Variants in ARHGAP18 observed in about 807,000 individuals in gnomAD.
The protein encoded by ARHGAP18 is Rho GTPase activating protein 18.
A neutral mutation model predicts 86.2 loss-of-function variants in ARHGAP18; 67 were observed. The observed-to-expected ratio is 0.78, with a 90% CI of 0.64 to 0.95. The LOEUF (loss-of-function observed/expected upper bound fraction) is 0.95, where lower values mean the gene tolerates loss of function less well. Among genes scored for constraint, ARHGAP18 ranks in the 40% least tolerant of loss-of-function variants. The pLI is 0.00. For synonymous variants in ARHGAP18, 283 were observed against 280.4 expected (o/e 1.01, Z -0.09); for missense variants, 691 against 780.4 (o/e 0.89, Z 1.37).
At chr6:129,584,217 C>T in intron 12 of ARHGAP18, 105 bp from the exon 13 acceptor site, 2 of 1,453,100 alleles carry the variant, frequency 1.4e-6, no homozygotes, top group South Asian at 2.9e-5. Context: ...CATTTTACTT[C>T]ACTACATAAA....
chr6:129,645,587 T>A (rs539898769), intron 1 of ARHGAP18, among the ~76,000 whole-genome samples: 1 of 152,322 alleles, frequency 6.6e-6, no homozygotes, highest in African/African-American at 2.4e-5. Context: ...TGTGTGCTAA[T>A]CGTGCCATGG....
intron 9 of ARHGAP18, among the ~76,000 whole-genome samples, chr6:129,607,527 C>T (rs1201237396): frequency 6.6e-6 from 1 of 152,138 alleles, no homozygotes; most frequent in African/African-American, 2.4e-5. Flanking sequence ...TCCACAGCTT[C>T]TCCAGTAAGT....
At chr6:129,609,158 C>A (rs1039410113) in intron 8 of ARHGAP18, among the ~76,000 whole-genome samples, 5 of 151,192 alleles carry the variant, frequency 3.3e-5, no homozygotes, top group African/African-American at 1.2e-4. Context: ...AGAGGAAGAT[C>A]CAGAGAAGAG....
chr6:129,617,857 G>A (rs185575070), intron 6 of ARHGAP18, among the ~76,000 whole-genome samples: 9 of 152,216 alleles, frequency 5.9e-5, no homozygotes, highest in Admixed American at 1.3e-4. Context: ...CCTAAATCAG[G>A]TGAATACTTG....
At position 129,605,764 on chromosome 6, in the gene ARHGAP18, T is replaced by C. The variant is rs76670714; in HGVS notation, c.1365+113A>G. 1,790 of 956,578 alleles carry C rather than the reference T, an allele frequency of 1.9e-3. 17 individuals carry two copies. The African/African-American group carries it at 0.026, about 14-fold the overall frequency. The allele number at this position is 956,578 out of a possible 1,614,324, so 59.3% of individuals were successfully genotyped here. A position where few individuals can be genotyped will look rare whatever the true frequency, so the allele number is the denominator to read the frequency against. On this transcript the variant is annotated intron_variant, in intron 10 of 14. Coordinates refer to ENST00000368149, the MANE Select transcript of ARHGAP18 (RefSeq NM_033515.3). ...TGTCCTTAAAAGTAGGCTTTTTCTT[T>C]ATAGACTTTTATGACCATGTCCAAG...
chr6:129,697,342 G>C (rs532041566), intron 1 of ARHGAP18, among the ~76,000 whole-genome samples: 23 of 152,262 alleles, frequency 1.5e-4, no homozygotes, highest in Non-Finnish European at 3.1e-4. Flanking sequence ...TTTTGGAATG[G>C]TATGTTTCAC....
rs527326699 is a variant in ARHGAP18, at chr6:129,690,829, CACA to C, written c.113+19192_113+19194del. Among the ~76,000 whole-genome samples, 485 of 152,284 alleles carry C rather than the reference CACA, an allele frequency of 3.2e-3. 2 individuals are homozygous for C. Among genetic ancestry groups the C allele is most frequent in the South Asian group, 9.7e-3 (47 of 4,828 alleles). On this transcript the variant is annotated intron_variant, in intron 1 of 14. Coordinates refer to ENST00000368149, the MANE Select transcript of ARHGAP18 (RefSeq NM_033515.3). ...ACAATTTCAAATATTCACAATATTT[CACA>C]ACATCTGAATAAAGCAAAATTTATA...
In ARHGAP18 at chr6:129,599,232, T is replaced by C; in HGVS notation, c.1697A>G (p.Asp566Gly). Residue 566 changes from aspartate to glycine, a missense_variant, in exon 12 of 15, where the codon GAT becomes GGT. Physicochemically the swap from Asp to Gly is moderately conservative, Grantham distance 94. Coordinates refer to ENST00000368149, the MANE Select transcript of ARHGAP18 (RefSeq NM_033515.3). Reference protein sequence around the residue: ...AYDREKYEKQDKSTNDADVPQ... With the variant: ...AYDREKYEKQGKSTNDADVPQ... ...TTTTCTTACATCATTTGTACTCTTATCTTGCTTTTCATATTTTTCTCGGTC... is the reference window on the plus strand; with the variant it reads ...TTTTCTTACATCATTTGTACTCTTACCTTGCTTTTCATATTTTTCTCGGTC... The C allele has an allele frequency of 6.3e-7, 1 of 1,579,540 alleles. No homozygotes were observed. Among genetic ancestry groups the C allele is most frequent in the Non-Finnish European group, 8.6e-7 (1 of 1,167,968 alleles).
At chr6:129,607,317 G>A (rs1480249134) in intron 9 of ARHGAP18, among the ~76,000 whole-genome samples, 2 of 152,142 alleles carry the variant, frequency 1.3e-5, no homozygotes, top group Non-Finnish European at 1.5e-5. Context: ...AAAAAGAATC[G>A]AGAACTATTA....
intron 1 of ARHGAP18, among the ~76,000 whole-genome samples, chr6:129,705,372 C>G (rs1439331605): frequency 1.3e-5 from 2 of 152,110 alleles, no homozygotes; most frequent in African/African-American, 4.8e-5. Context: ...AGTCCAGCTG[C>G]CAAAAGAGGA....
chr6:129,581,384 A>C (rs1788285922), intron 13 of ARHGAP18, among the ~76,000 whole-genome samples: 1 of 152,142 alleles, frequency 6.6e-6, no homozygotes, highest in African/African-American at 2.4e-5. Context: ...GTGTAGGTTT[A>C]TCTTTTAAAT....
chr6:129,607,846 T>C (rs766812173), intron 9 of ARHGAP18, 47 bp downstream of exon 9: 8 of 1,523,466 alleles, frequency 5.3e-6, no homozygotes, highest in South Asian at 1.3e-5. Flanking sequence ...ACAATTAACA[T>C]AGATGGCACC....
In ARHGAP18 at chr6:129,599,265, AT is replaced by A; in HGVS notation, c.1663del (p.Met555TrpfsTer24). ...KRAMKKLLKK[M>X]AYDREKYEKQ... ...TTCATATTTTTCTCGGTCATAAGCC[AT>A]TTTCTTCAGCAATTTCTTCATGGCT... On this transcript the variant is annotated frameshift_variant, in exon 12 of 15. Coordinates refer to ENST00000368149, the MANE Select transcript of ARHGAP18 (RefSeq NM_033515.3). LOFTEE classifies it high-confidence loss of function. 6.3e-7 allele frequency: 1 copy of A among 1,594,616 alleles called. No homozygotes were observed. The highest frequency in any genetic ancestry group is 1.8e-5 in the Admixed American group (1 of 55,732).
chr6:129,602,479 T>G (rs571605805), intron 10 of ARHGAP18, among the ~76,000 whole-genome samples: 111 of 147,650 alleles, frequency 7.5e-4, no homozygotes, highest in African/African-American at 2.7e-3. Flanking sequence ...AGTATCTATC[T>G]TCCAAAGAAT....
chr6:129,686,931 C>T (rs1774434505), intron 1 of ARHGAP18, among the ~76,000 whole-genome samples: 1 of 150,306 alleles, frequency 6.7e-6, no homozygotes, highest in Non-Finnish European at 1.5e-5. Context: ...GTTGGGATTA[C>T]AGGCACCGGC....
At chr6:129,585,111 C>A (rs1271656755) in intron 12 of ARHGAP18, among the ~76,000 whole-genome samples, 1 of 149,060 alleles carries the variant, frequency 6.7e-6, no homozygotes, top group African/African-American at 2.5e-5. Context: ...GCCAACATGG[C>A]GAAACCCTGT....
At chr6:129,651,872 G>A (rs907398567) in intron 1 of ARHGAP18, among the ~76,000 whole-genome samples, 1 of 146,196 alleles carries the variant, frequency 6.8e-6, no homozygotes, top group Non-Finnish European at 1.5e-5. Context: ...AACTCTCAAG[G>A]AGATGCTATT....
intron 1 of ARHGAP18, among the ~76,000 whole-genome samples, chr6:129,681,939 A>G (rs1334368282): frequency 1.3e-5 from 2 of 152,226 alleles, no homozygotes; most frequent in Non-Finnish European, 2.9e-5. Flanking sequence ...TCTCTGCTGT[A>G]TCTCATCAAG....
intron 1 of ARHGAP18, among the ~76,000 whole-genome samples, chr6:129,643,386 G>C (rs1026528553): frequency 6.6e-6 from 1 of 152,078 alleles, no homozygotes; most frequent in Non-Finnish European, 1.5e-5. Flanking sequence ...GTTTCATAAG[G>C]GGCTTTTCCC....
Sources: gnomAD v4.1 joint callset for allele counts (sites outside exome capture counted in the v4.1 genomes callset) on GRCh38, gnomAD v4.1.1 for gene constraint, MANE v1.5 for transcripts, NCBI Gene and HGNC (gene_info 2026-07-23, HGNC 2026-07-21) for gene names.